TMEM230: variants seen among roughly 807,000 people sequenced by gnomAD.
TMEM230 encodes the protein UPF0414 transmembrane protein C20orf30.
Under a neutral mutation model 15.8 loss-of-function variants are expected in TMEM230, and 10 were observed. That is an observed-to-expected ratio of 0.63 (90% CI 0.39 to 1.07). TMEM230 has a LOEUF of 1.07. Among genes scored for constraint, TMEM230 ranks in the 50% least tolerant of loss-of-function variants. TMEM230 has a pLI of 0.01. For missense variants in TMEM230, 165 were observed against 193.3 expected (o/e 0.85, Z 0.87); for synonymous variants, 67 against 76.9 (o/e 0.87, Z 0.68).
chr20:5,101,624 C>T (rs1028682526), intron 4 of TMEM230, among the ~76,000 whole-genome samples: 4 of 152,030 alleles, frequency 2.6e-5, no homozygotes, highest in Non-Finnish European at 1.5e-5. Context: ...GATGAGGTCT[C>T]GCTATGTTGC....
chr20:5,092,195 T>C (rs2089528402), intron 3 of TMEM230, among the ~76,000 whole-genome samples: 1 of 152,172 alleles, frequency 6.6e-6, no homozygotes, highest in Admixed American at 6.6e-5. Flanking sequence ...GATTAGTTTC[T>C]TGTCCCTTGC....
chr20:5,078,269 G>A (rs1474667157), intron 3 of TMEM230, among the ~76,000 whole-genome samples: 2 of 152,090 alleles, frequency 1.3e-5, no homozygotes, highest in Admixed American at 1.3e-4. Context: ...TTTAAACAAG[G>A]GACTGCGCAT....
At chr20:5,101,193 G>GA (rs2089847570) in intron 4 of TMEM230, among the ~76,000 whole-genome samples, 2 of 151,954 alleles carry the variant, frequency 1.3e-5, no homozygotes, top group Non-Finnish European at 2.9e-5. Context: ...TCTTAGTTGT[G>GA]AACACACCAT....
intron 3 of TMEM230, among the ~76,000 whole-genome samples, chr20:5,073,437 C>T (rs1453815464): frequency 1.3e-4 from 20 of 152,228 alleles, no homozygotes; most frequent in Non-Finnish European, 2.6e-4. Context: ...CACTGTGTAT[C>T]CTGGCTTGGT....
At chr20:5,073,069 C>G (rs1011323318) in intron 3 of TMEM230, among the ~76,000 whole-genome samples, 4 of 152,032 alleles carry the variant, frequency 2.6e-5, no homozygotes, top group African/African-American at 4.8e-5. Flanking sequence ...GAAAACTGAG[C>G]TAGGGTGGCA....
chr20:5,102,779 C>A (rs1341322101), intron 4 of TMEM230, among the ~76,000 whole-genome samples: 1 of 151,508 alleles, frequency 6.6e-6, no homozygotes, highest in East Asian at 1.9e-4. Flanking sequence ...TTCTACTAGG[C>A]CAGTTTTACC....
intron 3 of TMEM230, among the ~76,000 whole-genome samples, chr20:5,086,230 TAAAAAAAA>T (rs570691228): frequency 8.9e-5 from 11 of 123,018 alleles, no homozygotes; most frequent in Middle Eastern, 8.1e-3. Flanking sequence ...TCATTTCTAT[TAAAAAAAA>T]AAAAAAAAAA....
chr20:5,100,789 T>A lies in TMEM230; in HGVS notation c.*2A>T. ...GACTCCTCCTCAGCTATGGGGTGGGTGCTAGTCATCAAAGTCTGGAATGTC... is the reference window on the plus strand; with the variant it reads ...GACTCCTCCTCAGCTATGGGGTGGGAGCTAGTCATCAAAGTCTGGAATGTC... On this transcript the variant is annotated 3_prime_UTR_variant, in exon 5 of 5. Coordinates refer to ENST00000342308, the MANE Select transcript of TMEM230 (RefSeq NM_001009923.2). 5 of 1,612,974 alleles carry A rather than the reference T, an allele frequency of 3.1e-6. No homozygotes were observed. The highest frequency in any genetic ancestry group is 4.2e-6 in the Non-Finnish European group (5 of 1,179,960).
intron 4 of TMEM230, among the ~76,000 whole-genome samples, chr20:5,103,791 G>A (rs1164310622): frequency 6.6e-6 from 1 of 152,102 alleles, no homozygotes; most frequent in Non-Finnish European, 1.5e-5. Context: ...AATCAAATGA[G>A]AATGGATTAA....
At chr20:5,065,072 A>G (rs1237473194), downstream of TMEM230, among the ~76,000 whole-genome samples, 1 of 152,106 alleles carries the variant, frequency 6.6e-6, no homozygotes, top group African/African-American at 2.4e-5. Context: ...ATATCCAATA[A>G]GCACATGAAA....
chr20:5,086,394 C>T (rs1600315313), intron 3 of TMEM230, among the ~76,000 whole-genome samples: 1 of 151,770 alleles, frequency 6.6e-6, no homozygotes, highest in African/African-American at 2.4e-5. Flanking sequence ...AAAAAATTAG[C>T]CAGGCGTGGT....
intron 3 of TMEM230, among the ~76,000 whole-genome samples, chr20:5,089,154 C>T (rs2089438374): frequency 6.6e-6 from 1 of 152,048 alleles, no homozygotes; most frequent in African/African-American, 2.4e-5. Context: ...GCAGGCAGAT[C>T]ACGAGGTCAG....
intron 4 of TMEM230, among the ~76,000 whole-genome samples, chr20:5,102,376 T>C (rs955420026): frequency 1.3e-5 from 2 of 152,160 alleles, no homozygotes; most frequent in African/African-American, 2.4e-5. Context: ...ATGGTTTCGC[T>C]GCTGAATTAT....
intron 3 of TMEM230, among the ~76,000 whole-genome samples, chr20:5,090,337 C>T (rs1600332249): frequency 6.6e-6 from 1 of 152,262 alleles, no homozygotes; most frequent in East Asian, 1.9e-4. Context: ...TGTGAAATTT[C>T]AGAACACTGA....
exon 4 of TMEM230, chr20:5,069,304 G>A: frequency 6.5e-7 from 1 of 1,536,022 alleles, no homozygotes; most frequent in Non-Finnish European, 8.7e-7. Context: ...GCTGGTAGAT[G>A]TTTGTGGTCA....
chr20:5,099,224 AAATAAATAAATC>A (rs1265102290), downstream of TMEM230, among the ~76,000 whole-genome samples: 22 of 125,582 alleles, frequency 1.8e-4, no homozygotes, highest in Middle Eastern at 4.0e-3. Flanking sequence ...ATAAATAAAT[AAATAAATAAATC>A]AATCAATCAA....
chr20:5,105,540 G>C (rs963235227), intron 4 of TMEM230, among the ~76,000 whole-genome samples: 1 of 151,730 alleles, frequency 6.6e-6, no homozygotes, highest in Admixed American at 6.6e-5. Context: ...GCAGTTAGCC[G>C]ATATTATGCC....
At chr20:5,091,944 T>C (rs1327216968) in intron 3 of TMEM230, among the ~76,000 whole-genome samples, 1 of 152,184 alleles carries the variant, frequency 6.6e-6, no homozygotes, top group Non-Finnish European at 1.5e-5. Flanking sequence ...GTCTACTTTT[T>C]TGGTTAATGT....
intron 3 of TMEM230, among the ~76,000 whole-genome samples, chr20:5,091,336 A>G (rs968479941): frequency 7.2e-5 from 11 of 151,942 alleles, no homozygotes; most frequent in Non-Finnish European, 5.9e-5. Context: ...TTGGCCTTCC[A>G]AGTAGCTGGG....
Sources: gnomAD v4.1 joint callset for allele counts (sites outside exome capture counted in the v4.1 genomes callset) on GRCh38, gnomAD v4.1.1 for gene constraint, MANE v1.5 for transcripts, NCBI Gene and HGNC (gene_info 2026-07-23, HGNC 2026-07-21) for gene names.